ADAMTSL1: variants seen among roughly 807,000 people sequenced by gnomAD.
ADAMTSL1 encodes ADAMTS-like protein 1.
Under a neutral mutation model 201.8 loss-of-function variants are expected in ADAMTSL1, and 126 were observed. The ratio of observed to expected loss-of-function variants is 0.62; its 90% confidence interval spans 0.54 to 0.72. ADAMTSL1 has a LOEUF of 0.72. Among genes scored for constraint, ADAMTSL1 ranks in the 30% least tolerant of loss-of-function variants. ADAMTSL1 has a pLI of 0.00. For missense variants in ADAMTSL1, 2,679 were observed against 2,277.8 expected, an observed-to-expected ratio of 1.18 and a Z score of -3.59; for synonymous variants, 1,121 against 903.4, an observed-to-expected ratio of 1.24 and a Z score of -4.32.
intron 2 of ADAMTSL1, among the ~76,000 whole-genome samples, chr9:18,522,485 C>T (rs1564015829): frequency 6.6e-6 from 1 of 151,970 alleles, no homozygotes; most frequent in Non-Finnish European, 1.5e-5. Flanking sequence ...TACATGTGCA[C>T]AATGTGCAGG....
intron 2 of ADAMTSL1, among the ~76,000 whole-genome samples, chr9:18,396,476 T>C (rs1400907685): frequency 2.7e-5 from 4 of 148,668 alleles, no homozygotes; most frequent in African/African-American, 4.9e-5. Flanking sequence ...AATTAAATTT[T>C]ATATTAACAA....
chr9:18,500,117 G>T (rs1822757010), intron 1 of ADAMTSL1, among the ~76,000 whole-genome samples: 1 of 152,122 alleles, frequency 6.6e-6, no homozygotes, highest in African/African-American at 2.4e-5. Flanking sequence ...GTGTCTATTG[G>T]GCAGTGAGCT....
At chr9:17,922,731 T>A (rs963365505) in intron 1 of ADAMTSL1, among the ~76,000 whole-genome samples, 1 of 224 alleles carries the variant, frequency 4.5e-3, no homozygotes, top group Admixed American at 0.071. Context: ...GCTCAGTGAT[T>A]TTTTTCCCAT....
At chr9:18,397,519 C>T (rs1377206465) in intron 2 of ADAMTSL1, among the ~76,000 whole-genome samples, 2 of 152,090 alleles carry the variant, frequency 1.3e-5, no homozygotes, top group East Asian at 1.9e-4. Flanking sequence ...AACAAAACCA[C>T]CGTGTGAAAA....
rs145222010 is a variant in ADAMTSL1 at position 18,635,990 on chromosome 9, C to T, written c.649C>T (p.Leu217Phe). ...AIPYGSRHIR[L>F]VLKGPDHLYL... ...TCCCTATGGAAGTAGACATATTCGC[C>T]TTGTCTTAAAAGGTCCTGATCACTT... The change falls in exon 6 of 29, where the codon CTT becomes TTT. Residue 217 changes from leucine (L) to phenylalanine (F), a missense_variant. Physicochemically the swap from Leu to Phe is conservative, Grantham distance 22. Coordinates refer to ENST00000380548, the MANE Select transcript of ADAMTSL1 (RefSeq NM_001040272.6). 1.2e-6 allele frequency: 2 copies of T among 1,602,358 alleles called. No homozygotes were observed. Among genetic ancestry groups the T allele is most frequent in the Non-Finnish European group, 1.7e-6 (2 of 1,177,388 alleles).
chr9:18,464,740 C>T (rs1325761849), intron 2 of ADAMTSL1, among the ~76,000 whole-genome samples: 2 of 152,180 alleles, frequency 1.3e-5, no homozygotes, highest in Admixed American at 1.3e-4. Context: ...GTTTATAACA[C>T]CCCTTCTTCC....
chr9:18,721,505 A>C, intron 14 of ADAMTSL1, 31 bp from the exon 15 acceptor site: 1 of 1,611,322 alleles, frequency 6.2e-7, no homozygotes, highest in Non-Finnish European at 8.5e-7. Context: ...CCCACTTTGC[A>C]CTCTGGCCTG....
intron 2 of ADAMTSL1, among the ~76,000 whole-genome samples, chr9:18,315,827 C>T (rs1032961259): frequency 1.6e-4 from 24 of 152,336 alleles, no homozygotes; most frequent in African/African-American, 5.5e-4. Flanking sequence ...AGAGTGGACA[C>T]CAAGGCCAAG....
chr9:18,258,654 C>T lies in ADAMTSL1; in HGVS notation c.207+94673C>T, dbSNP rs117956656. On this transcript the variant is annotated intron_variant, in intron 2 of 29. Coordinates refer to the ADAMTSL1 transcript ENST00000680146. The stretch of plus-strand genomic sequence containing the variant: ...GACCCTCATGGCACCAGGATCCCCG[C>T]CCGCATCATCGATCTTTCCCTGGCT... 6.6e-4 allele frequency among the ~76,000 whole-genome samples: 100 copies of T among 152,282 alleles called. No homozygotes were observed. The East Asian group carries it at 0.019, about 29-fold the overall frequency.
At chr9:18,421,193 A>G (rs1348264582) in intron 2 of ADAMTSL1, among the ~76,000 whole-genome samples, 1 of 152,190 alleles carries the variant, frequency 6.6e-6, no homozygotes, top group Non-Finnish European at 1.5e-5. Context: ...GGGAAGCTTT[A>G]CATTCTTAAA....
chr9:18,594,783 A>G (rs1188431191), intron 4 of ADAMTSL1, among the ~76,000 whole-genome samples: 1 of 151,864 alleles, frequency 6.6e-6, no homozygotes, highest in Non-Finnish European at 1.5e-5. Context: ...GAGAGGTCAC[A>G]CCTCTCCATC....
chr9:18,769,805 C>G (rs943825508), intron 16 of ADAMTSL1, among the ~76,000 whole-genome samples: 1 of 152,154 alleles, frequency 6.6e-6, no homozygotes, highest in Non-Finnish European at 1.5e-5. Context: ...CAAATATAGT[C>G]TTTATGCCGA....
rs953226986 is a variant in ADAMTSL1, at chr9:17,909,461, C to G, written c.87+2539C>G. Among the ~76,000 whole-genome samples, 10 of 126,124 alleles carry G rather than the reference C, an allele frequency of 7.9e-5. 2 individuals are homozygous for G. Among genetic ancestry groups the G allele is most frequent in the African/African-American group, 2.6e-4 (10 of 38,806 alleles). 82.7% of individuals were successfully genotyped at this position (126,124 alleles called of 152,430 possible). ...AGGGTTTTTATGGTTTTAGGTCTAACGTTTAAGTCTTTAATCATCTTGAAT... is the reference window on the plus strand; with the variant it reads ...AGGGTTTTTATGGTTTTAGGTCTAAGGTTTAAGTCTTTAATCATCTTGAAT... On this transcript the variant is annotated intron_variant, in intron 1 of 29. Transcript: ENST00000680146.
At chr9:18,312,095 G>T (rs1178023380) in intron 2 of ADAMTSL1, among the ~76,000 whole-genome samples, 2 of 152,176 alleles carry the variant, frequency 1.3e-5, no homozygotes, top group African/African-American at 4.8e-5. Context: ...AAATAGTTTA[G>T]TATAAAATAG....
intron 5 of ADAMTSL1, among the ~76,000 whole-genome samples, chr9:18,624,758 G>A (rs1826250744): frequency 1.3e-5 from 2 of 152,112 alleles, no homozygotes; most frequent in African/African-American, 4.8e-5. Flanking sequence ...GGAAGAAACT[G>A]AAGCAAATTG....
At chr9:18,089,427 G>A (rs906361310) in intron 1 of ADAMTSL1, among the ~76,000 whole-genome samples, 30 of 144,894 alleles carry the variant, frequency 2.1e-4, no homozygotes, top group African/African-American at 7.7e-4. Context: ...AGAACACATG[G>A]ACACAGGGAG....
chr9:18,543,764 C>T (rs1820305899), intron 3 of ADAMTSL1, among the ~76,000 whole-genome samples: 1 of 152,156 alleles, frequency 6.6e-6, no homozygotes, highest in Non-Finnish European at 1.5e-5. Context: ...ATAGATCTCC[C>T]TGCAGTGCTT....
At chr9:18,419,323 A>G (rs1818832959) in intron 2 of ADAMTSL1, among the ~76,000 whole-genome samples, 1 of 152,196 alleles carries the variant, frequency 6.6e-6, no homozygotes, top group South Asian at 2.1e-4. Context: ...AAAAAGCATA[A>G]TTCAGAAAAT....
rs1041024471 is a variant in ADAMTSL1, at chr9:18,680,481, G to C, written c.1306G>C (p.Asp436His). Reference protein sequence around the residue: ...MPIAQPCNIFDCPKWLAQEWS... With the variant: ...MPIAQPCNIFHCPKWLAQEWS... ...CATCGCGCAGCCCTGCAACATTTTT[G>C]ACTGCCCTAAATGGCTGGCACAGGA... Residue 436 changes from aspartate (D) to histidine (H), a missense_variant, in exon 11 of 29, where the codon GAC becomes CAC. Physicochemically the swap from Asp to His is moderately conservative, Grantham distance 81 (BLOSUM62 -1). Coordinates refer to ENST00000380548, the MANE Select transcript of ADAMTSL1 (RefSeq NM_001040272.6). 1 of 1,614,100 alleles carries C rather than the reference G, an allele frequency of 6.2e-7. No individual in the cohort carries two copies. The highest frequency in any genetic ancestry group is 8.5e-7 in the Non-Finnish European group (1 of 1,180,024).
Sources: gnomAD v4.1 joint callset for allele counts (sites outside exome capture counted in the v4.1 genomes callset) on GRCh38, gnomAD v4.1.1 for gene constraint, MANE v1.5 for transcripts, NCBI Gene and HGNC (gene_info 2026-07-23, HGNC 2026-07-21) for gene names.